VWA3B: variants seen among roughly 807,000 people sequenced by gnomAD.
The protein encoded by VWA3B is von Willebrand factor A domain containing 3B, also known as von Willebrand factor A domain-containing protein 3B.
VWA3B carries 138 observed loss-of-function variants against 158.3 expected under a neutral mutation model. That is an observed-to-expected ratio of 0.87 (90% CI 0.76 to 1.00). The LOEUF (loss-of-function observed/expected upper bound fraction) is 1.00. Among genes scored for constraint, VWA3B ranks in the 50% least tolerant of loss-of-function variants. The probability of loss-of-function intolerance (pLI) is 0.00; values close to 1 mark genes in which losing one functional copy is unlikely to be tolerated. For synonymous variants in VWA3B, 596 were observed against 587.3 expected (o/e 1.01, Z -0.21); for missense variants, 1,555 against 1,565.1 (o/e 0.99, Z 0.11).
Position 98,312,356 on chromosome 2 carries a change from C to A in VWA3B, c.*7C>A, listed in dbSNP as rs201769341. 2.5e-6 allele frequency: 4 copies of A among 1,602,042 alleles called. No individual in the cohort carries two copies. The highest frequency in any genetic ancestry group is 2.6e-6 in the Non-Finnish European group (3 of 1,171,858). On this transcript the variant is annotated 3_prime_UTR_variant, in exon 28 of 28. Transcript: ENST00000477737. Reference sequence around the variant, plus strand: ...CGTCCCTGAGACACTTTAAGGCCGTCTGGTGGCAGCTATGTTTAAGAGACC... The same window carrying A: ...CGTCCCTGAGACACTTTAAGGCCGTATGGTGGCAGCTATGTTTAAGAGACC...
chr2:98,118,170 C>T (rs1468346298), intron 3 of VWA3B, among the ~76,000 whole-genome samples: 1 of 152,152 alleles, frequency 6.6e-6, no homozygotes, highest in Non-Finnish European at 1.5e-5. Context: ...AACACCTGTC[C>T]CTTTACCTTT....
chr2:98,306,507 A>G (rs1157414037), intron 26 of VWA3B, among the ~76,000 whole-genome samples: 1 of 152,132 alleles, frequency 6.6e-6, no homozygotes, highest in Non-Finnish European at 1.5e-5. Context: ...TTCTTTGTCT[A>G]GATGGGTTGA....
chr2:98,143,828 G>A (rs1231558099), intron 7 of VWA3B, among the ~76,000 whole-genome samples: 2 of 146,938 alleles, frequency 1.4e-5, no homozygotes, highest in South Asian at 2.1e-4. Flanking sequence ...ATAGCTCACT[G>A]CAGCCTCAAC....
intron 8 of VWA3B, among the ~76,000 whole-genome samples, chr2:98,171,591 G>A (rs757477771): frequency 1.2e-4 from 18 of 152,214 alleles, no homozygotes; most frequent in African/African-American, 1.7e-4. Context: ...TCTGGAGGCC[G>A]CGGTACAGGG....
At chr2:98,203,975 A>G (rs564081062) in intron 12 of VWA3B, among the ~76,000 whole-genome samples, 1 of 152,388 alleles carries the variant, frequency 6.6e-6, no homozygotes, top group South Asian at 2.1e-4. Flanking sequence ...CTACTTATGT[A>G]GAATTTACAT....
At chr2:98,100,621 T>C (rs539282463) in intron 2 of VWA3B, among the ~76,000 whole-genome samples, 24 of 152,324 alleles carry the variant, frequency 1.6e-4, no homozygotes, top group Non-Finnish European at 3.2e-4. Context: ...GGCACCAGGA[T>C]AGATCTAGAA....
chr2:98,303,908 T>C (rs960639494), intron 26 of VWA3B, 106 bp downstream of exon 26: 22 of 1,059,036 alleles, frequency 2.1e-5, no homozygotes, highest in Non-Finnish European at 3.0e-5. Flanking sequence ...GGAAGAAAAG[T>C]AGAGATGCAG....
the VWA3B span, among the ~76,000 whole-genome samples, chr2:98,328,294 G>A: frequency 6.6e-6 from 1 of 152,172 alleles, no homozygotes; most frequent in East Asian, 1.9e-4. Context: ...TTGGGAACAA[G>A]CCAAGGATGC....
intron 12 of VWA3B, chr2:98,207,474 G>T: frequency 2.0e-6 from 1 of 503,066 alleles, no homozygotes; most frequent in South Asian, 1.5e-5. Flanking sequence ...TATTGGGTAT[G>T]GATTAACTTT....
intron 2 of VWA3B, among the ~76,000 whole-genome samples, chr2:98,104,505 A>G (rs1193701691): frequency 6.6e-6 from 1 of 152,170 alleles, no homozygotes; most frequent in Non-Finnish European, 1.5e-5. Flanking sequence ...GAATGTCACC[A>G]AGCCATTCAT....
intron 8 of VWA3B, among the ~76,000 whole-genome samples, chr2:98,180,101 TTTTC>T (rs1290882032): frequency 4.1e-5 from 6 of 147,624 alleles, no homozygotes; most frequent in South Asian, 2.2e-4. Flanking sequence ...TCTTTCTTTC[TTTTC>T]TTTCTTTCTT....
intron 7 of VWA3B, among the ~76,000 whole-genome samples, chr2:98,154,647 C>T (rs776202262): frequency 2.0e-5 from 3 of 152,166 alleles, no homozygotes; most frequent in Non-Finnish European, 2.9e-5. Context: ...CTTGGGTCAG[C>T]CAGTGCAATC....
intron 22 of VWA3B, among the ~76,000 whole-genome samples, chr2:98,273,102 C>T (rs1318602269): frequency 5.3e-5 from 8 of 152,212 alleles, no homozygotes; most frequent in Non-Finnish European, 1.2e-4. Context: ...AATAGTTCAT[C>T]CAAAATCTTA....
intron 8 of VWA3B, among the ~76,000 whole-genome samples, chr2:98,172,395 C>T (rs974962389): frequency 3.3e-5 from 5 of 152,114 alleles, no homozygotes; most frequent in South Asian, 2.1e-4. Flanking sequence ...GCGTTCCTCC[C>T]GACATCCAGC....
intron 9 of VWA3B, among the ~76,000 whole-genome samples, chr2:98,181,552 T>C (rs977679844): frequency 2.0e-5 from 3 of 152,212 alleles, no homozygotes; most frequent in Non-Finnish European, 4.4e-5. Flanking sequence ...AAAAGAGAAA[T>C]TGCTGGTGAG....
chr2:98,124,177 C>CT (rs1056116119), intron 5 of VWA3B, among the ~76,000 whole-genome samples: 2 of 152,156 alleles, frequency 1.3e-5, no homozygotes, highest in African/African-American at 4.8e-5. Flanking sequence ...CAGATCTTTT[C>CT]TTTTTTGTGT....
chr2:98,166,289 A>G (rs1284832649), intron 8 of VWA3B, among the ~76,000 whole-genome samples: 1 of 152,158 alleles, frequency 6.6e-6, no homozygotes, highest in Non-Finnish European at 1.5e-5. Flanking sequence ...GTGAGCAGAG[A>G]TTGCCCCATT....
At chr2:98,137,945 C>T (rs1676413059) in intron 7 of VWA3B, among the ~76,000 whole-genome samples, 1 of 152,064 alleles carries the variant, frequency 6.6e-6, no homozygotes, top group African/African-American at 2.4e-5. Context: ...AGTATTTTTT[C>T]AACTACTTTA....
chr2:98,253,229 C>T (rs916701899), intron 20 of VWA3B, among the ~76,000 whole-genome samples: 1 of 152,224 alleles, frequency 6.6e-6, no homozygotes, highest in Non-Finnish European at 1.5e-5. Flanking sequence ...CCACCCCCAT[C>T]CCCTATATAA....
Sources: gnomAD v4.1 joint callset for allele counts (sites outside exome capture counted in the v4.1 genomes callset) on GRCh38, gnomAD v4.1.1 for gene constraint, MANE v1.5 for transcripts, NCBI Gene and HGNC (gene_info 2026-07-23, HGNC 2026-07-21) for gene names.